The following CREB3L1 variants were observed in gnomAD, a reference collection of about 807,000 sequenced individuals.
The protein encoded by CREB3L1 is cyclic AMP-responsive element-binding protein 3-like protein 1.
Under a neutral mutation model 54.5 loss-of-function variants are expected in CREB3L1, and 33 were observed. That is an observed-to-expected ratio of 0.61 (90% CI 0.46 to 0.81). The LOEUF is 0.81. Ranked by LOEUF, CREB3L1 falls within the 30% of genes least tolerant of loss-of-function variation. The pLI, the probability that CREB3L1 is intolerant of heterozygous loss-of-function variation, is 0.00. For missense variants in CREB3L1, 656 were observed against 673.3 expected (o/e 0.97, Z 0.29); for synonymous variants, 284 against 286.4 (o/e 0.99, Z 0.08).
Position 46,278,127 on chromosome 11 carries a change from G to A in CREB3L1, c.16G>A (p.Glu6Lys), listed in dbSNP as rs1938904896. The A allele has an allele frequency of 6.4e-7, 1 of 1,559,898 alleles. No individual in the cohort carries two copies. Among genetic ancestry groups the A allele is most frequent in the South Asian group, 1.2e-5 (1 of 84,582 alleles). Residue 6 changes from glutamate to lysine, a missense_variant, in exon 1 of 12, where the codon GAA (glutamate) becomes AAA (lysine). This residue lies in a region of CREB3L1 where 339 missense variants were observed against 331.5 expected (regional missense o/e 1.02). Transcript: ENST00000621158. This position sits in a 1 kb window ranked among gnomAD's most constrained non-coding sequence, Gnocchi z 4.2. MDAVLEPFPADRLFPG... is the reference protein window; with the variant it reads MDAVLKPFPADRLFPG... The stretch of plus-strand genomic sequence containing the variant: ...GCCGGCTGCGATGGACGCCGTCTTG[G>A]AACCCTTCCCGGCCGACAGGCTGTT...
chr11:46,284,608 C>T (rs1163709934), intron 1 of CREB3L1, among the ~76,000 whole-genome samples: 3 of 150,698 alleles, frequency 2.0e-5, no homozygotes, highest in Non-Finnish European at 2.9e-5. Context: ...GAGCCAAGAT[C>T]GCACCATTGC....
At chr11:46,317,803 G>A (rs113619335) in intron 10 of CREB3L1, among the ~76,000 whole-genome samples, 16 of 152,218 alleles carry the variant, frequency 1.1e-4, no homozygotes, top group African/African-American at 3.1e-4. Context: ...GCATTATGGT[G>A]CCAGTGCTTA....
intron 1 of CREB3L1, among the ~76,000 whole-genome samples, chr11:46,282,292 C>G (rs1938989973): frequency 1.3e-5 from 2 of 152,106 alleles, no homozygotes; most frequent in Admixed American, 1.3e-4. Context: ...GAAGGGCTCT[C>G]CATGGTTTTT....
intron 1 of CREB3L1, among the ~76,000 whole-genome samples, chr11:46,279,172 CCACACA>C (rs747188947): frequency 6.6e-6 from 1 of 150,982 alleles, no homozygotes; most frequent in Non-Finnish European, 1.5e-5. Flanking sequence ...TGTTCACACG[CCACACA>C]CACACACACA....
Position 46,278,129 on chromosome 11 carries a change from AC to A in CREB3L1, c.21del (p.Phe8SerfsTer18). On this transcript the variant is annotated frameshift_variant, in exon 1 of 12. Transcript: ENST00000621158. LOFTEE classifies it high-confidence loss of function. The surrounding 1 kb of genome is among the most constrained non-coding windows in gnomAD (Gnocchi z 4.2). ...CGGCTGCGATGGACGCCGTCTTGGA[AC>A]CCTTCCCGGCCGACAGGCTGTTCCC... is the stretch of plus-strand genomic sequence containing the variant. MDAVLE[P>X]FPADRLFPGS... 6.4e-7 allele frequency: 1 copy of A among 1,560,226 alleles called. No homozygotes were observed. Among genetic ancestry groups the A allele is most frequent in the Non-Finnish European group, 8.7e-7 (1 of 1,152,338 alleles).
intron 10 of CREB3L1, among the ~76,000 whole-genome samples, chr11:46,318,985 C>T (rs940052647): frequency 2.0e-5 from 3 of 152,020 alleles, no homozygotes; most frequent in East Asian, 1.9e-4. Flanking sequence ...TCACTAAAGG[C>T]GGGTGGGCAG....
Position 46,321,309 on chromosome 11 carries a change from T to G in CREB3L1, c.*563T>G. 8.1e-6 allele frequency: 2 copies of G among 248,100 alleles called. No homozygotes were observed. The highest frequency in any genetic ancestry group is 1.6e-5 in the Non-Finnish European group (2 of 124,112). 15.4% of individuals were successfully genotyped at this position (248,100 alleles called of 1,614,324 possible). A position where few individuals can be genotyped will look rare whatever the true frequency, so the allele number is the denominator to read the frequency against. ...ACCTGACCCTCACCTGGCACCCCCC[T>G]GCTGCTGCCCAAGCCGCTGGGCCTT... On this transcript the variant is annotated 3_prime_UTR_variant, in exon 12 of 12. Transcript: ENST00000621158.
At chr11:46,291,730 G>T (rs1939133910) in intron 1 of CREB3L1, among the ~76,000 whole-genome samples, 1 of 152,174 alleles carries the variant, frequency 6.6e-6, no homozygotes, top group South Asian at 2.1e-4. Context: ...GTCTTTGGAG[G>T]TCCCCTCCCT....
chr11:46,320,141 T>A, intron 10 of CREB3L1, 123 bp from the exon 11 acceptor site: 1 of 1,106,352 alleles, frequency 9.0e-7, no homozygotes, highest in Non-Finnish European at 1.3e-6. Flanking sequence ...AGGTCACACA[T>A]CCGGGAAGTG....
rs1347854164 is a variant in CREB3L1 at position 46,312,378 on chromosome 11, C to G, written c.807C>G (p.Thr269=). 3.1e-6 allele frequency: 5 copies of G among 1,613,308 alleles called. No homozygotes were observed. In the African/African-American group the frequency reaches 5.3e-5, roughly 17 times the overall value. Residue 269 remains threonine (T), a synonymous_variant, in exon 6 of 12, where the codon ACC becomes ACG. Transcript: ENST00000621158. Reference sequence around the variant, plus strand: ...TCCTGACAGAGGAGGAGAAGCGGACCCTGATTGCTGAGGGCTACCCCATCC... The same window carrying G: ...TCCTGACAGAGGAGGAGAAGCGGACGCTGATTGCTGAGGGCTACCCCATCC... The part of the protein sequence containing the change: ...PLLLTEEEKR[T]LIAEGYPIPT...
At chr11:46,293,522 A>T (rs942387725) in intron 1 of CREB3L1, among the ~76,000 whole-genome samples, 35 of 152,348 alleles carry the variant, frequency 2.3e-4, no homozygotes, top group African/African-American at 8.4e-4. Context: ...TGCAGAGAAT[A>T]CACACCCTCC....
chr11:46,316,110 C>A, intron 8 of CREB3L1, 176 bp from the exon 9 acceptor site: 1 of 543,714 alleles, frequency 1.8e-6, no homozygotes, highest in Admixed American at 3.5e-5. Context: ...TGAGGCAGGC[C>A]CCAGGCGCCA....
In CREB3L1 at chr11:46,320,370, CG is replaced by C; in HGVS notation, c.1371del (p.Pro458ArgfsTer25). 3 of 1,610,442 alleles carry C rather than the reference CG, an allele frequency of 1.9e-6. No individual in the cohort carries two copies. Among genetic ancestry groups the C allele is most frequent in the South Asian group, 1.1e-5 (1 of 90,514 alleles). On this transcript the variant is annotated frameshift_variant, in exon 11 of 12. Transcript: ENST00000621158. LOFTEE classifies it high-confidence loss of function. ...CCCCAGATGGCTGGGAAATCAACCC[CG>C]GGGGGCCGGCAGAGCAGCGGCCCCG... Reference protein sequence around the residue: ...EPPDGWEINPGGPAEQRPRDH... With the variant: ...EPPDGWEINPXGPAEQRPRDH...
At chr11:46,315,315 T>A (rs1939551438) in intron 8 of CREB3L1, 1 of 215,712 alleles carries the variant, frequency 4.6e-6, no homozygotes, top group Non-Finnish European at 9.5e-6. Context: ...TTTCGCCACC[T>A]GCTGTACATT....
At chr11:46,285,625 CT>C (rs1939044100) in intron 1 of CREB3L1, among the ~76,000 whole-genome samples, 1 of 152,186 alleles carries the variant, frequency 6.6e-6, no homozygotes, top group Non-Finnish European at 1.5e-5. Context: ...CAACCATGGG[CT>C]TCCCTGCCGC....
At position 46,278,237 on chromosome 11, in the gene CREB3L1, C is replaced by G. The variant is rs779587929; in HGVS notation, c.102+24C>G. 8 of 1,463,632 alleles carry G rather than the reference C, an allele frequency of 5.5e-6. No individual in the cohort carries two copies. Among genetic ancestry groups the G allele is most frequent in the Middle Eastern group, 3.4e-4 (2 of 5,804 alleles). 90.7% of individuals were successfully genotyped at this position (1,463,632 alleles called of 1,614,324 possible). On this transcript the variant is annotated intron_variant, in intron 1 of 11. Transcript: ENST00000621158. The surrounding 1 kb of genome is among the most constrained non-coding windows in gnomAD (Gnocchi z 4.2). Reference sequence around the variant, plus strand: ...CGGTAAGATGAAGGGTCTCCGTTCCCGTTCCACCCCTCGGCACCCGTCCTC... The same window carrying G: ...CGGTAAGATGAAGGGTCTCCGTTCCGGTTCCACCCCTCGGCACCCGTCCTC...
In CREB3L1 at chr11:46,311,094, C is replaced by A; in HGVS notation, c.658C>A (p.Gln220Lys). 10 of 1,609,482 alleles carry A rather than the reference C, an allele frequency of 6.2e-6. No homozygotes were observed. Among genetic ancestry groups the A allele is most frequent in the Non-Finnish European group, 8.5e-6 (10 of 1,179,086 alleles). Residue 220 changes from glutamine to lysine, a missense_variant, in exon 5 of 12, where the codon CAG becomes AAG. Coordinates refer to ENST00000621158, the MANE Select transcript of CREB3L1 (RefSeq NM_052854.4). Reference sequence around the variant, plus strand: ...CCATGGCAGTGACAGCGACGGCTCCCAGAGTCCCCGCTCTCTGCCCCCCTC... The same window carrying A: ...CCATGGCAGTGACAGCGACGGCTCCAAGAGTCCCCGCTCTCTGCCCCCCTC... ...SSHGSDSDGS[Q>K]SPRSLPPSSP...
At chr11:46,299,373 A>G (rs1298941854) in intron 1 of CREB3L1, among the ~76,000 whole-genome samples, 1 of 152,168 alleles carries the variant, frequency 6.6e-6, no homozygotes, top group Non-Finnish European at 1.5e-5. Context: ...ACAGATGGAC[A>G]CTGTGCTGCT....
chr11:46,281,047 A>C (rs991248852), intron 1 of CREB3L1, among the ~76,000 whole-genome samples: 1 of 152,244 alleles, frequency 6.6e-6, no homozygotes, highest in Non-Finnish European at 1.5e-5. Context: ...GTGAGTACAC[A>C]AAGTCAAGAC....
Sources: gnomAD v4.1 joint callset for allele counts (sites outside exome capture counted in the v4.1 genomes callset) on GRCh38, gnomAD v4.1.1 for gene constraint, gnomAD v4.1.1 regional missense constraint, Gnocchi (gnomAD v3.1) non-coding constraint, MANE v1.5 for transcripts, NCBI Gene and HGNC (gene_info 2026-07-23, HGNC 2026-07-21) for gene names.